The following SUSD4 variants were observed in gnomAD, a reference collection of about 807,000 sequenced individuals.
The protein encoded by SUSD4 is sushi domain-containing protein 4.
In SUSD4, 41 loss-of-function variants were observed where a neutral mutation model predicts 50.5. The observed-to-expected ratio is 0.81, with a 90% CI of 0.63 to 1.05. The LOEUF is 1.05. Ranked by LOEUF, SUSD4 falls within the 50% of genes least tolerant of loss-of-function variation. The probability of loss-of-function intolerance (pLI) is 0.00; values close to 1 mark genes in which losing one functional copy is unlikely to be tolerated. For missense variants in SUSD4, 580 were observed against 634.7 expected (o/e 0.91, Z 0.93); for synonymous variants, 257 against 257.3 (o/e 1.00, Z 0.01).
Position 223,355,353 on chromosome 1 carries a change from C to T in SUSD4, c.148+7925G>A, listed in dbSNP as rs193095730. On this transcript the variant is annotated intron_variant, in intron 2 of 8. Transcript: ENST00000366878. ...TCTCCCAAAGTGCTGGGATTACAGG[C>T]ATGAGCCACCGTGCCCGGCCACACC... Among the ~76,000 whole-genome samples the T allele has an allele frequency of 3.2e-3, 483 of 152,072 alleles. 3 individuals carry two copies. Among genetic ancestry groups the T allele is most frequent in the African/African-American group, 0.011 (459 of 41,486 alleles).
chr1:223,338,833 C>T (rs1667597071), intron 2 of SUSD4, among the ~76,000 whole-genome samples: 1 of 152,208 alleles, frequency 6.6e-6, no homozygotes, highest in African/African-American at 2.4e-5. Context: ...CTGTTTTAGA[C>T]AAGCTGAGAT....
At chr1:223,273,256 G>A (rs1663037492) in intron 3 of SUSD4, among the ~76,000 whole-genome samples, 1 of 152,196 alleles carries the variant, frequency 6.6e-6, no homozygotes, top group African/African-American at 2.4e-5. Context: ...ATCATGCAGG[G>A]CTTTGTAGAT....
intron 2 of SUSD4, among the ~76,000 whole-genome samples, chr1:223,319,023 T>C (rs1448703678): frequency 2.1e-5 from 1 of 48,764 alleles, no homozygotes; most frequent in South Asian, 7.7e-4. Context: ...ATCTGATCTT[T>C]GACAAACCTG....
intron 3 of SUSD4, among the ~76,000 whole-genome samples, chr1:223,276,590 T>G (rs998683511): frequency 6.6e-6 from 1 of 152,236 alleles, no homozygotes; most frequent in Non-Finnish European, 1.5e-5. Flanking sequence ...TTTCTTTCCC[T>G]TTCAAGTCTG....
At chr1:223,250,761 G>A (rs569362507) in intron 5 of SUSD4, among the ~76,000 whole-genome samples, 1 of 152,316 alleles carries the variant, frequency 6.6e-6, no homozygotes, top group African/African-American at 2.4e-5. Flanking sequence ...GACAGATACA[G>A]GGAAGCCTCT....
intron 2 of SUSD4, among the ~76,000 whole-genome samples, chr1:223,350,109 T>C (rs1668273606): frequency 6.6e-6 from 1 of 152,210 alleles, no homozygotes; most frequent in Non-Finnish European, 1.5e-5. Flanking sequence ...CCAGCCGTGC[T>C]GGCACCTTGA....
chr1:223,300,966 CTT>C (rs1665154692), intron 2 of SUSD4, among the ~76,000 whole-genome samples: 1 of 152,148 alleles, frequency 6.6e-6, no homozygotes, highest in Non-Finnish European at 1.5e-5. Context: ...GAAAAGCAAT[CTT>C]TGGGGTTATT....
chr1:223,363,190 G>C, intron 2 of SUSD4, 88 bp downstream of exon 2: 1 of 1,346,656 alleles, frequency 7.4e-7, no homozygotes. Context: ...GGGTGTATGG[G>C]GGAGGGGTGC....
intron 2 of SUSD4, among the ~76,000 whole-genome samples, chr1:223,323,575 T>C (rs1666711606): frequency 6.6e-6 from 1 of 152,126 alleles, no homozygotes; most frequent in Non-Finnish European, 1.5e-5. Flanking sequence ...GGGGGCTTCA[T>C]AGCTAAATGG....
In SUSD4 at chr1:223,227,771, C is replaced by A. The variant is rs851142; in HGVS notation, c.917-33G>T. ...AGGGAGAACAAAGCTGTACGTGAGGCTCCCAGACCATGAGAGGTGCCGAGG... is the reference window on the plus strand; with the variant it reads ...AGGGAGAACAAAGCTGTACGTGAGGATCCCAGACCATGAGAGGTGCCGAGG... On this transcript the variant is annotated intron_variant, in intron 6 of 8. Transcript: ENST00000366878. The surrounding 1 kb of genome is among the most constrained non-coding windows in gnomAD (Gnocchi z 4.5). 6,021 of 1,578,972 alleles carry A rather than the reference C, an allele frequency of 3.8e-3. 203 individuals carry two copies. The African/African-American group carries it at 0.072, about 19-fold the overall frequency.
rs1456468691 is a variant in SUSD4, at chr1:223,227,788, G to A, written c.917-50C>T. The A allele has an allele frequency of 6.4e-7, 1 of 1,552,584 alleles. No individual in the cohort carries two copies. The highest frequency in any genetic ancestry group is 1.2e-5 in the South Asian group (1 of 84,670). On this transcript the variant is annotated intron_variant, in intron 6 of 8. Coordinates refer to ENST00000366878, the MANE Select transcript of SUSD4 (RefSeq NM_017982.4). This position sits in a 1 kb window ranked among gnomAD's most constrained non-coding sequence, Gnocchi z 4.5. ...ACGTGAGGCTCCCAGACCATGAGAG[G>A]TGCCGAGGTTCCCCGTGGGCTCATT...
At chr1:223,300,895 G>A (rs926701497) in intron 2 of SUSD4, among the ~76,000 whole-genome samples, 1 of 151,980 alleles carries the variant, frequency 6.6e-6, no homozygotes, top group Non-Finnish European at 1.5e-5. Flanking sequence ...CCCAGAGGAG[G>A]ACACTGAGGC....
intron 4 of SUSD4, among the ~76,000 whole-genome samples, chr1:223,267,141 C>A (rs1169783194): frequency 1.3e-5 from 2 of 152,110 alleles, no homozygotes; most frequent in African/African-American, 4.8e-5. Flanking sequence ...GGAGAAGGGG[C>A]AACAGTGGCC....
Position 223,231,297 on chromosome 1 carries a change from A to G in SUSD4, c.725-1909T>C. ...GTCTGGGAAACAGGGTCTGCGGTGG[A>G]CAGCCTGTCTAGATCTGGTGCAGTG... On this transcript the variant is annotated intron_variant, in intron 5 of 8. Coordinates refer to ENST00000366878, the MANE Select transcript of SUSD4 (RefSeq NM_017982.4). This position sits in a 1 kb window ranked among gnomAD's most constrained non-coding sequence, Gnocchi z 4.2. Among the ~76,000 whole-genome samples the G allele has an allele frequency of 6.6e-6, 1 of 152,068 alleles. No homozygotes were observed. The highest frequency in any genetic ancestry group is 1.9e-4 in the East Asian group (1 of 5,166).
At chr1:223,271,328 A>T (rs1662906540) in intron 3 of SUSD4, among the ~76,000 whole-genome samples, 1 of 152,206 alleles carries the variant, frequency 6.6e-6, no homozygotes, top group Admixed American at 6.5e-5. Flanking sequence ...ATTTCTCAGC[A>T]TAGTGTTGTG....
At chr1:223,352,395 T>G (rs1340020993) in intron 2 of SUSD4, among the ~76,000 whole-genome samples, 3 of 152,204 alleles carry the variant, frequency 2.0e-5, no homozygotes, top group Non-Finnish European at 4.4e-5. Flanking sequence ...AATGCCCTGC[T>G]ACCTCCTTAA....
rs983930376 is a variant in SUSD4 at position 223,292,520 on chromosome 1, C to T, written c.280G>A (p.Ala94Thr). Residue 94 changes from alanine (A) to threonine (T), a missense_variant, in exon 3 of 9, where the codon GCT becomes ACT. Ala to Thr is a moderately conservative substitution (Grantham distance 58). Coordinates refer to ENST00000366878, the MANE Select transcript of SUSD4 (RefSeq NM_017982.4). ...TGCTTCAAACACAGTCTCTTTGTAG[C>T]GCCCTTCAGCTTGAATCCGTCTTGG... ...HCQDGFKLKG[A>T]TKRLCLKHFN... 1.1e-5 allele frequency: 17 copies of T among 1,614,022 alleles called. No individual in the cohort carries two copies. The highest frequency in any genetic ancestry group is 5.3e-5 in the African/African-American group (4 of 74,920).
At chr1:223,283,948 G>A (rs1051072365) in intron 3 of SUSD4, among the ~76,000 whole-genome samples, 6 of 152,154 alleles carry the variant, frequency 3.9e-5, no homozygotes, top group African/African-American at 1.4e-4. Flanking sequence ...GGATGAAGCT[G>A]AAAACCATCA....
rs1213854519 is a variant in SUSD4 at position 223,292,645 on chromosome 1, T to A, written c.155A>T (p.Asp52Val). The change falls in exon 3 of 9, where the codon GAT becomes GTT. Residue 52 changes from aspartate (D) to valine (V), a missense_variant. Coordinates refer to ENST00000366878, the MANE Select transcript of SUSD4 (RefSeq NM_017982.4). ...FGPAQLTGGF[D>V]DLQVCADPGI... The stretch of plus-strand genomic sequence containing the variant: ...GGGGTCAGCACACACTTGAAGGTCA[T>A]CGAACCCTACATCAACAAAGAGAGG... 6.2e-7 allele frequency: 1 copy of A among 1,613,872 alleles called. No homozygotes were observed. The highest frequency in any genetic ancestry group is 1.7e-5 in the Admixed American group (1 of 59,978).
Sources: gnomAD v4.1 joint callset for allele counts (sites outside exome capture counted in the v4.1 genomes callset) on GRCh38, gnomAD v4.1.1 for gene constraint, Gnocchi (gnomAD v3.1) non-coding constraint, MANE v1.5 for transcripts, NCBI Gene and HGNC (gene_info 2026-07-23, HGNC 2026-07-21) for gene names.